ELAPOR2: variants seen among roughly 807,000 people sequenced by gnomAD.
ELAPOR2 encodes the protein endosome/lysosome-associated apoptosis and autophagy regulator family member 2.
Under a neutral mutation model 120.7 loss-of-function variants are expected in ELAPOR2, and 89 were observed. That is an observed-to-expected ratio of 0.74 (90% CI 0.62 to 0.88). The LOEUF (loss-of-function observed/expected upper bound fraction) is 0.88. Among genes scored for constraint, ELAPOR2 ranks in the 40% least tolerant of loss-of-function variants. The pLI, the probability that ELAPOR2 is intolerant of heterozygous loss-of-function variation, is 0.00. For synonymous variants in ELAPOR2, 444 were observed against 444.9 expected (o/e 1.00, Z 0.03); for missense variants, 1,134 against 1,251.6 (o/e 0.91, Z 1.42).
chr7:87,033,501 A>G (rs1423470278), intron 1 of ELAPOR2, among the ~76,000 whole-genome samples: 3 of 152,238 alleles, frequency 2.0e-5, no homozygotes, highest in Admixed American at 2.0e-4. Flanking sequence ...GTAACATAAA[A>G]TAGTTCAGAA....
chr7:86,933,720 C>G (rs1584366978), intron 8 of ELAPOR2, among the ~76,000 whole-genome samples: 1 of 151,950 alleles, frequency 6.6e-6, no homozygotes, highest in South Asian at 2.1e-4. Context: ...ATTTTAACTC[C>G]CTCACCCCTC....
At chr7:86,999,050 C>G (rs1407816354) in intron 1 of ELAPOR2, among the ~76,000 whole-genome samples, 1 of 151,926 alleles carries the variant, frequency 6.6e-6, no homozygotes, top group East Asian at 1.9e-4. Context: ...GGTTTCTTCT[C>G]CACTCCATCT....
Position 86,938,181 on chromosome 7 carries a change from G to C in ELAPOR2, c.1034C>G (p.Pro345Arg). The C allele has an allele frequency of 6.4e-7, 1 of 1,551,688 alleles. No individual in the cohort carries two copies. The highest frequency in any genetic ancestry group is 2.4e-5 in the East Asian group (1 of 41,252). ...CTGGAAATAGTCTTTTGTGGTACAG[G>C]GAGGGCGCTCTGTACACTCACTGGA... ...EGSSECTERP[P>R]CTTKDYFQIH... Residue 345 changes from proline to arginine, a missense_variant, in exon 8 of 22, where the codon CCC becomes CGC. Physicochemically the swap from Pro to Arg is moderately radical, Grantham distance 103 (BLOSUM62 -2). Coordinates refer to ENST00000450689, the MANE Select transcript of ELAPOR2 (RefSeq NM_001142749.3).
At chr7:86,989,625 T>C (rs1792874708) in intron 1 of ELAPOR2, among the ~76,000 whole-genome samples, 1 of 152,208 alleles carries the variant, frequency 6.6e-6, no homozygotes, top group Non-Finnish European at 1.5e-5. Context: ...CCACACTTGA[T>C]CTCCACATGG....
At chr7:86,949,558 C>A (rs1562939181) in intron 2 of ELAPOR2, among the ~76,000 whole-genome samples, 2 of 152,170 alleles carry the variant, frequency 1.3e-5, no homozygotes. Context: ...ACAGCTGCAG[C>A]TACCCAAGCC....
At chr7:86,979,510 T>G (rs1230408061) in intron 1 of ELAPOR2, among the ~76,000 whole-genome samples, 1 of 152,188 alleles carries the variant, frequency 6.6e-6, no homozygotes, top group Non-Finnish European at 1.5e-5. Context: ...GAGACACCAG[T>G]CCAGCCCTAA....
chr7:86,953,067 G>C (rs1475705364), intron 2 of ELAPOR2, among the ~76,000 whole-genome samples: 3 of 147,452 alleles, frequency 2.0e-5, no homozygotes, highest in African/African-American at 7.6e-5. Flanking sequence ...CTGCACCCCA[G>C]CCTGGGCAAC....
At chr7:86,972,139 C>A (rs1236358662) in intron 1 of ELAPOR2, among the ~76,000 whole-genome samples, 1 of 152,080 alleles carries the variant, frequency 6.6e-6, no homozygotes, top group African/African-American at 2.4e-5. Context: ...CACCACCCCA[C>A]AAGCCCACTG....
chr7:86,982,796 C>T (rs1014496925), intron 1 of ELAPOR2, among the ~76,000 whole-genome samples: 2 of 152,224 alleles, frequency 1.3e-5, no homozygotes, highest in Non-Finnish European at 2.9e-5. Flanking sequence ...AGGATCACAG[C>T]TCCTCGCCAG....
At chr7:87,031,401 T>C (rs930426388) in intron 1 of ELAPOR2, among the ~76,000 whole-genome samples, 3 of 151,904 alleles carry the variant, frequency 2.0e-5, no homozygotes, top group African/African-American at 7.2e-5. Context: ...TCTGAATGAG[T>C]GGCATGAGAT....
At chr7:86,990,852 C>G (rs1317273272) in intron 1 of ELAPOR2, among the ~76,000 whole-genome samples, 1 of 152,172 alleles carries the variant, frequency 6.6e-6, no homozygotes, top group Non-Finnish European at 1.5e-5. Context: ...AATACGCTCT[C>G]CAACTGCTAA....
chr7:87,032,138 C>T (rs573060668), intron 1 of ELAPOR2, among the ~76,000 whole-genome samples: 34 of 152,276 alleles, frequency 2.2e-4, no homozygotes, highest in African/African-American at 7.9e-4. Context: ...TATGTCAAAA[C>T]TGATCAATTT....
At chr7:86,888,155 C>T (rs544150814) in intron 21 of ELAPOR2, among the ~76,000 whole-genome samples, 2 of 152,084 alleles carry the variant, frequency 1.3e-5, no homozygotes, top group East Asian at 1.9e-4. Flanking sequence ...GAGTGCACTG[C>T]CCCCCAAGTC....
chr7:86,925,979 A>G (rs1349586749), intron 9 of ELAPOR2, among the ~76,000 whole-genome samples: 1 of 152,018 alleles, frequency 6.6e-6, no homozygotes, highest in Non-Finnish European at 1.5e-5. Flanking sequence ...AAAAAGAGTA[A>G]CTATGAAACA....
intron 1 of ELAPOR2, among the ~76,000 whole-genome samples, chr7:87,001,188 G>A (rs975092848): frequency 3.9e-5 from 6 of 152,130 alleles, no homozygotes; most frequent in South Asian, 4.1e-4. Flanking sequence ...AGTGAGACAC[G>A]TGTGTTTAAA....
Position 87,041,472 on chromosome 7 carries a change from GA to G in ELAPOR2, c.189+17852del, listed in dbSNP as rs537242937. Among the ~76,000 whole-genome samples the G allele has an allele frequency of 6.6e-3, 1,000 of 151,868 alleles. 13 individuals carry two copies. The highest frequency in any genetic ancestry group is 0.023 in the African/African-American group (960 of 41,168). Reference sequence around the variant, plus strand: ...GGGGCCAATATTCAACATTCTTAAAGAAAAGAATTTTCAACCCAGAATTTCA... The same window carrying G: ...GGGGCCAATATTCAACATTCTTAAAGAAAGAATTTTCAACCCAGAATTTCA... On this transcript the variant is annotated intron_variant, in intron 1 of 21. Transcript: ENST00000450689.
chr7:86,991,747 T>C (rs1792951881), intron 1 of ELAPOR2, among the ~76,000 whole-genome samples: 1 of 152,182 alleles, frequency 6.6e-6, no homozygotes, highest in Non-Finnish European at 1.5e-5. Flanking sequence ...TTGGCTTCCA[T>C]CCTCCAGGTC....
intron 1 of ELAPOR2, among the ~76,000 whole-genome samples, chr7:87,040,759 T>G (rs189513097): frequency 0.032 from 4,936 of 152,326 alleles, 91 homozygotes; most frequent in African/African-American, 0.039. Flanking sequence ...CAAAGCTGGA[T>G]GGAGAATGAC....
chr7:86,998,025 T>C (rs1793182790), intron 1 of ELAPOR2, among the ~76,000 whole-genome samples: 1 of 152,030 alleles, frequency 6.6e-6, no homozygotes, highest in Admixed American at 6.6e-5. Context: ...GGTAGACAAA[T>C]AAAAGATTAA....
Sources: gnomAD v4.1 joint callset for allele counts (sites outside exome capture counted in the v4.1 genomes callset) on GRCh38, gnomAD v4.1.1 for gene constraint, MANE v1.5 for transcripts, NCBI Gene and HGNC (gene_info 2026-07-23, HGNC 2026-07-21) for gene names.